PTPN4: variants seen among roughly 807,000 people sequenced by gnomAD.
The protein encoded by PTPN4 is tyrosine-protein phosphatase non-receptor type 4.
PTPN4 carries 49 observed loss-of-function variants against 135.5 expected under a neutral mutation model. The ratio of observed to expected loss-of-function variants is 0.36; its 90% CI spans 0.29 to 0.46. PTPN4 has a LOEUF of 0.46. PTPN4 is among the 20% of genes least tolerant of loss of function. The pLI is 1.00. For missense variants in PTPN4, 860 were observed against 1,101.0 expected (o/e 0.78, Z 3.10); for synonymous variants, 333 against 369.9 (o/e 0.90, Z 1.14).
intron 14 of PTPN4, among the ~76,000 whole-genome samples, chr2:119,934,371 G>A (rs1457897400): frequency 6.6e-6 from 1 of 152,036 alleles, no homozygotes; most frequent in African/African-American, 2.4e-5. Flanking sequence ...TCAAGAGGAT[G>A]GCAATATAGT....
intron 23 of PTPN4, among the ~76,000 whole-genome samples, chr2:119,962,382 A>G (rs979531784): frequency 1.3e-5 from 2 of 151,930 alleles, no homozygotes; most frequent in Non-Finnish European, 2.9e-5. Context: ...TGAACCCAGG[A>G]GGCAGAGGTT....
intron 2 of PTPN4, among the ~76,000 whole-genome samples, chr2:119,838,234 G>T (rs369284990): frequency 6.6e-6 from 1 of 150,938 alleles, no homozygotes; most frequent in African/African-American, 2.4e-5. Context: ...AACTTTTATT[G>T]TAAGTTCAGG....
chr2:119,797,412 A>G (rs1368553636), intron 1 of PTPN4, among the ~76,000 whole-genome samples: 2 of 152,220 alleles, frequency 1.3e-5, no homozygotes, highest in African/African-American at 2.4e-5. Flanking sequence ...ATACTCCCCT[A>G]TGGTGACCAT....
At chr2:119,968,569 A>T (rs1574425848) in intron 26 of PTPN4, among the ~76,000 whole-genome samples, 1 of 152,158 alleles carries the variant, frequency 6.6e-6, no homozygotes, top group African/African-American at 2.4e-5. Context: ...AGGCGGGCGG[A>T]TCACGAGGTC....
At chr2:119,827,231 C>T (rs2104960483) in intron 2 of PTPN4, among the ~76,000 whole-genome samples, 1 of 152,304 alleles carries the variant, frequency 6.6e-6, no homozygotes, top group South Asian at 2.1e-4. Flanking sequence ...GGTATAACTG[C>T]ATCAACAAAC....
intron 9 of PTPN4, among the ~76,000 whole-genome samples, chr2:119,892,267 G>A (rs952692974): frequency 2.0e-5 from 3 of 152,126 alleles, no homozygotes; most frequent in Non-Finnish European, 4.4e-5. Context: ...GAGCTTTCTG[G>A]ATTTTTCAAA....
rs541620776 is a variant in PTPN4, at chr2:119,838,729, GTCCTCTT to G, written c.139-23806_139-23800del. Among the ~76,000 whole-genome samples, 1,066 of 152,248 alleles carry G rather than the reference GTCCTCTT, an allele frequency of 7.0e-3. 5 individuals are homozygous for G. The highest frequency in any genetic ancestry group is 0.012 in the Non-Finnish European group (822 of 68,016). On this transcript the variant is annotated intron_variant, in intron 2 of 26. Transcript: ENST00000263708. Reference sequence around the variant, plus strand: ...TTTCAAGTACCTTGTTCTCTAGCTGGTCCTCTTGTGAAATAAGAAAGACTGAAGAATC... The same window carrying G: ...TTTCAAGTACCTTGTTCTCTAGCTGGGTGAAATAAGAAAGACTGAAGAATC...
chr2:119,775,495 G>A (rs868549253), intron 1 of PTPN4, among the ~76,000 whole-genome samples: 3 of 152,190 alleles, frequency 2.0e-5, no homozygotes, highest in Middle Eastern at 3.2e-3. Flanking sequence ...TGGTCTGCGC[G>A]CTCTTCCAAA....
rs758839993 is a variant in PTPN4 at position 119,934,920 on chromosome 2, A to G, written c.1317A>G (p.Ser439=). 2 of 1,613,992 alleles carry G rather than the reference A, an allele frequency of 1.2e-6. No homozygotes were observed. The highest frequency in any genetic ancestry group is 2.2e-5 in the South Asian group (2 of 91,078). The change falls in exon 15 of 27, where the codon TCA becomes TCG. Residue 439 remains serine, a synonymous_variant. Coordinates refer to ENST00000263708, the MANE Select transcript of PTPN4 (RefSeq NM_002830.4). ...SEVFVNQRSP[S]STQANSIVLE... ...TGTTTGTAAATCAGAGATCTCCGTC[A>G]TCAACACAAGCTAATAGCATTGTTC...
At chr2:119,848,078 T>C (rs558513105) in intron 2 of PTPN4, among the ~76,000 whole-genome samples, 1 of 152,322 alleles carries the variant, frequency 6.6e-6, no homozygotes, top group African/African-American at 2.4e-5. Flanking sequence ...TTATTGTACT[T>C]ACAGTTCATT....
intron 1 of PTPN4, among the ~76,000 whole-genome samples, chr2:119,784,608 C>G (rs1448413841): frequency 6.6e-6 from 1 of 151,520 alleles, no homozygotes; most frequent in Non-Finnish European, 1.5e-5. Flanking sequence ...AGGATGGTCT[C>G]GATCTCCTGA....
At chr2:119,775,720 C>T (rs187237952) in intron 1 of PTPN4, among the ~76,000 whole-genome samples, 75 of 152,252 alleles carry the variant, frequency 4.9e-4, no homozygotes, top group African/African-American at 1.4e-3. Context: ...ATACCTGCTA[C>T]GGAAGACTTT....
At chr2:119,938,124 ATTTTTT>A (rs370292419) in intron 15 of PTPN4, among the ~76,000 whole-genome samples, 1 of 117,782 alleles carries the variant, frequency 8.5e-6, no homozygotes, top group African/African-American at 3.2e-5. Context: ...ATGTGGGATA[ATTTTTT>A]TTTTTTTTTT....
At chr2:119,772,300 T>C (rs1225220087) in intron 1 of PTPN4, among the ~76,000 whole-genome samples, 1 of 152,224 alleles carries the variant, frequency 6.6e-6, no homozygotes, top group Non-Finnish European at 1.5e-5. Context: ...ATACTGTGAC[T>C]CATTTTGTAT....
intron 5 of PTPN4, among the ~76,000 whole-genome samples, chr2:119,881,530 CTT>C (rs1678077967): frequency 6.6e-6 from 1 of 152,156 alleles, no homozygotes; most frequent in African/African-American, 2.4e-5. Context: ...TATTTGAAAT[CTT>C]GAGGGCTTCT....
In PTPN4 at chr2:119,962,732, A is replaced by G. The variant is rs780984631; in HGVS notation, c.2397A>G (p.Leu799=). 493 of 1,582,482 alleles carry G rather than the reference A, an allele frequency of 3.1e-4. No homozygotes were observed. The highest frequency in any genetic ancestry group is 4.0e-4 in the Non-Finnish European group (468 of 1,159,502). Residue 799 remains leucine (L), a synonymous_variant, in exon 24 of 27, where the codon CTA becomes CTG. Coordinates refer to ENST00000263708, the MANE Select transcript of PTPN4 (RefSeq NM_002830.4). ...CCTATATCTTCAGGAAGATGACCCT[A>G]TTTAACCAAGAGGTAAGAAGGCAGG... ...NTAYIFRKMT[L]FNQEKNESRP...
At chr2:119,923,204 G>T (rs1678763893) in intron 12 of PTPN4, among the ~76,000 whole-genome samples, 1 of 152,016 alleles carries the variant, frequency 6.6e-6, no homozygotes, top group African/African-American at 2.4e-5. Context: ...GCAGACCCCT[G>T]TCTCTACCAA....
intron 1 of PTPN4, among the ~76,000 whole-genome samples, chr2:119,789,833 C>G (rs936920985): frequency 1.3e-5 from 2 of 152,100 alleles, no homozygotes; most frequent in Non-Finnish European, 1.5e-5. Flanking sequence ...AGTGATTCTC[C>G]TGCCTCAGCC....
intron 3 of PTPN4, among the ~76,000 whole-genome samples, chr2:119,867,509 A>G (rs1430597420): frequency 6.6e-6 from 1 of 152,196 alleles, no homozygotes; most frequent in Non-Finnish European, 1.5e-5. Flanking sequence ...ACATGCAAAT[A>G]GTATTGTTGG....
Sources: gnomAD v4.1 joint callset for allele counts (sites outside exome capture counted in the v4.1 genomes callset) on GRCh38, gnomAD v4.1.1 for gene constraint, MANE v1.5 for transcripts, NCBI Gene and HGNC (gene_info 2026-07-23, HGNC 2026-07-21) for gene names.